The following TSEN34 variants were observed in gnomAD, a reference collection of about 807,000 sequenced individuals.
The protein encoded by TSEN34 is tRNA splicing endonuclease subunit 34.
In TSEN34, 25 loss-of-function variants were observed where a neutral mutation model predicts 30.2. That is an observed-to-expected ratio of 0.83 (90% CI 0.60 to 1.16). TSEN34 has a LOEUF of 1.16. TSEN34 is among the 50% of genes most tolerant of loss of function. The pLI is 0.00. For missense variants in TSEN34, 475 were observed against 411.9 expected, an observed-to-expected ratio of 1.15 and a Z score of -1.33; for synonymous variants, 209 against 177.4, an observed-to-expected ratio of 1.18 and a Z score of -1.41.
intron 3 of TSEN34, 93 bp downstream of exon 3, chr19:54,192,466 G>A: frequency 6.6e-7 from 1 of 1,524,304 alleles, no homozygotes; most frequent in Non-Finnish European, 8.9e-7. Flanking sequence ...TGTCTTAATA[G>A]AGGTGGGGTC....
At position 54,191,427 on chromosome 19, in the gene TSEN34, C is replaced by A; in HGVS notation, c.63C>A (p.Ala21=). The change falls in exon 1 of 4, where the codon GCC becomes GCA. Residue 21 remains alanine, a synonymous_variant. Transcript: ENST00000396388. ...SLVWGAEAVQ[A]LRERLGVGGR... is the part of the protein sequence containing the mutation. ...TGTGGGGAGCCGAGGCGGTGCAGGC[C>A]CTCCGGGAGCGCCTGGGTGTGGGGG... 1 of 1,548,322 alleles carries A rather than the reference C, an allele frequency of 6.5e-7. No homozygotes were observed. Among genetic ancestry groups the A allele is most frequent in the Non-Finnish European group, 8.7e-7 (1 of 1,146,618 alleles).
At chr19:54,193,153 A>G (rs965484741) in intron 3 of TSEN34, 22 bp from the exon 4 acceptor site, 1 of 1,612,472 alleles carries the variant, frequency 6.2e-7, no homozygotes, top group Non-Finnish European at 8.5e-7. Context: ...TCACTGCTTC[A>G]GTGCCTCTCT....
intron 3 of TSEN34, 124 bp from the exon 4 acceptor site, chr19:54,193,051 C>T (rs1174455747): frequency 2.2e-5 from 30 of 1,357,852 alleles, no homozygotes; most frequent in African/African-American, 4.5e-5. Flanking sequence ...TGTCCAAGAG[C>T]ATCTGTTTTA....
chr19:54,190,361 C>G (rs1340520852), upstream of TSEN34: 3 of 1,525,742 alleles, frequency 2.0e-6, no homozygotes, highest in East Asian at 2.6e-5. Flanking sequence ...CTGCGAATTA[C>G]TGTTTATGAG....
Position 54,193,207 on chromosome 19 carries a change from G to A in TSEN34, c.778G>A (p.Ala260Thr), listed in dbSNP as rs1418993614. 5 of 1,613,596 alleles carry A rather than the reference G, an allele frequency of 3.1e-6. No individual in the cohort carries two copies. The highest frequency in any genetic ancestry group is 1.3e-5 in the African/African-American group (1 of 74,746). ...CCTCCGCTTCCACGCCCATTATATC[G>A]CTCAGTGCTGGGCCCCTGAGGACAC... The part of the protein sequence containing the change: ...DPLRFHAHYI[A>T]QCWAPEDTIP... Residue 260 changes from alanine (A) to threonine (T), a missense_variant, in exon 4 of 4, where the codon GCT (alanine) becomes ACT (threonine). By Grantham distance (58) the Ala-to-Thr change is moderately conservative. Transcript: ENST00000396388.
chr19:54,191,024 T>C, upstream of TSEN34: 1 of 1,178,140 alleles, frequency 8.5e-7, no homozygotes, highest in Non-Finnish European at 1.1e-6. Context: ...TTTTTCACGC[T>C]CCAAGGCGCA....
rs1482326441 is a variant in TSEN34 at position 54,191,331 on chromosome 19, G to A, written c.-34G>A. On this transcript the variant is annotated 5_prime_UTR_variant, in exon 1 of 4. Transcript: ENST00000396388. ...GCGGTCCGCGGCGCGCAGCTGTTTCGGTAACTGCTTTGCCTCCCGGCTCCC... is the reference window on the plus strand; with the variant it reads ...GCGGTCCGCGGCGCGCAGCTGTTTCAGTAACTGCTTTGCCTCCCGGCTCCC... The A allele has an allele frequency of 1.3e-6, 2 of 1,548,354 alleles. No individual in the cohort carries two copies. The highest frequency in any genetic ancestry group is 3.9e-5 in the Admixed American group (2 of 50,986).
chr19:54,194,242 A>T lies in TSEN34; in HGVS notation c.*880A>T, dbSNP rs2076813837. ...ATGTGTGTGTATATATATATATATT[A>T]TGAAAGGAAATGAGTATTGTAATTT... On this transcript the variant is annotated 3_prime_UTR_variant, in exon 4 of 4. Coordinates refer to ENST00000396388, the MANE Select transcript of TSEN34 (RefSeq NM_001077446.4). 6.6e-6 allele frequency: 1 copy of T among 151,822 alleles called. No homozygotes were observed. Among genetic ancestry groups the T allele is most frequent in the Non-Finnish European group, 1.5e-5 (1 of 68,020 alleles). The allele number at this position is 151,822 out of a possible 1,614,324, so 9.4% of individuals were successfully genotyped here.
At chr19:54,192,077 C>A in intron 2 of TSEN34, 39 bp from the exon 3 acceptor site, 1 of 1,614,182 alleles carries the variant, frequency 6.2e-7, no homozygotes. Flanking sequence ...AGACTTTACC[C>A]CTTGAATTTA....
upstream of TSEN34, chr19:54,190,470 G>A: frequency 3.6e-6 from 5 of 1,384,768 alleles, no homozygotes; most frequent in South Asian, 8.1e-5. Flanking sequence ...CCCGAGCGGA[G>A]AGTGGACGGC....
Position 54,191,393 on chromosome 19 carries a change from G to C in TSEN34, c.29G>C (p.Arg10Pro). Residue 10 changes from arginine (R) to proline (P), a missense_variant, in exon 1 of 4, where the codon CGC becomes CCC. Arg to Pro is a moderately radical substitution (Grantham distance 103). Transcript: ENST00000396388. ...CTGGTGGTGGAGGTGGCGAACGGCCGCTCCCTGGTGTGGGGAGCCGAGGCG... is the reference window on the plus strand; with the variant it reads ...CTGGTGGTGGAGGTGGCGAACGGCCCCTCCCTGGTGTGGGGAGCCGAGGCG... MLVVEVANG[R>P]SLVWGAEAVQ... 6.5e-7 allele frequency: 1 copy of C among 1,549,478 alleles called. No homozygotes were observed. The highest frequency in any genetic ancestry group is 1.2e-5 in the South Asian group (1 of 84,150).
At position 54,193,456 on chromosome 19, in the gene TSEN34, C is replaced by T. The variant is rs886054626; in HGVS notation, c.*94C>T. On this transcript the variant is annotated 3_prime_UTR_variant, in exon 4 of 4. Transcript: ENST00000396388. The stretch of plus-strand genomic sequence containing the variant: ...TCTGGGAGTCTAGAACATCCTCCTA[C>T]CTTTCTCCGCGGTTAGTTTTTGATT... 16 of 1,578,710 alleles carry T rather than the reference C, an allele frequency of 1.0e-5. No homozygotes were observed. The highest frequency in any genetic ancestry group is 1.9e-5 in the Admixed American group (1 of 53,842).
At chr19:54,189,896 G>A (rs1049952915), upstream of TSEN34, 2 of 233,156 alleles carry the variant, frequency 8.6e-6, no homozygotes, top group Non-Finnish European at 1.7e-5. Flanking sequence ...TCACTGTTCC[G>A]ATGTGGGCGG....
rs2076803518 is a variant in TSEN34, at chr19:54,194,010, C to T, written c.*648C>T. 1 of 290,340 alleles carries T rather than the reference C, an allele frequency of 3.4e-6. No homozygotes were observed. Among genetic ancestry groups the T allele is most frequent in the Non-Finnish European group, 6.4e-6 (1 of 155,160 alleles). 18.0% of individuals were successfully genotyped at this position (290,340 alleles called of 1,614,324 possible). Reference sequence around the variant, plus strand: ...TGAGCCCAGGAGTTTGAGACCAGCTCTGGCAACATTGTAATACCCAGTCTC... The same window carrying T: ...TGAGCCCAGGAGTTTGAGACCAGCTTTGGCAACATTGTAATACCCAGTCTC... On this transcript the variant is annotated 3_prime_UTR_variant, in exon 4 of 4. Coordinates refer to ENST00000396388, the MANE Select transcript of TSEN34 (RefSeq NM_001077446.4).
intron 2 of TSEN34, 70 bp downstream of exon 2, chr19:54,192,034 G>T (rs552928751): frequency 6.2e-7 from 1 of 1,614,080 alleles, no homozygotes; most frequent in Admixed American, 1.7e-5. Flanking sequence ...TTTTAGCTGG[G>T]AATCCAGTGC....
At position 54,191,856 on chromosome 19, in the gene TSEN34, C is replaced by G. The variant is rs775771804; in HGVS notation, c.379C>G (p.Leu127Val). Residue 127 changes from leucine to valine, a missense_variant, in exon 2 of 4, where the codon CTA (leucine) becomes GTA (valine). Coordinates refer to ENST00000396388, the MANE Select transcript of TSEN34 (RefSeq NM_001077446.4). ...TEGQAAKKQK[L>V]EQASGASSSQ... The stretch of plus-strand genomic sequence containing the variant: ...GGGCCAGGCTGCTAAGAAGCAGAAA[C>G]TAGAACAGGCTTCAGGGGCCAGCTC... 1.9e-5 allele frequency: 30 copies of G among 1,614,110 alleles called. No homozygotes were observed. The highest frequency in any genetic ancestry group is 1.1e-4 in the South Asian group (10 of 91,076).
upstream of TSEN34, chr19:54,191,079 G>A: frequency 7.7e-7 from 1 of 1,297,238 alleles, no homozygotes. Context: ...GCCGACCGCA[G>A]GGTCACAAGG....
At position 54,193,376 on chromosome 19, in the gene TSEN34, A is replaced by T. The variant is rs909472901; in HGVS notation, c.*14A>T. ...AGCCTGCAGTGAACTCCAGAGACCT[A>T]GGGGATGTGGCTGTGTCGGCAGCAA... is the stretch of plus-strand genomic sequence containing the variant. On this transcript the variant is annotated 3_prime_UTR_variant, in exon 4 of 4. Coordinates refer to ENST00000396388, the MANE Select transcript of TSEN34 (RefSeq NM_001077446.4). 1 of 1,614,116 alleles carries T rather than the reference A, an allele frequency of 6.2e-7. No individual in the cohort carries two copies. Among genetic ancestry groups the T allele is most frequent in the Non-Finnish European group, 8.5e-7 (1 of 1,180,008 alleles).
At chr19:54,191,280 A>G, upstream of TSEN34, 1 of 1,534,580 alleles carries the variant, frequency 6.5e-7, no homozygotes, top group Non-Finnish European at 8.8e-7. Context: ...CTTCGCCGAG[A>G]CCCCGGAGGC....
Sources: gnomAD v4.1 joint callset for allele counts on GRCh38, gnomAD v4.1.1 for gene constraint, MANE v1.5 for transcripts, NCBI Gene and HGNC (gene_info 2026-07-23, HGNC 2026-07-21) for gene names.